Variants in AFF3 observed in about 807,000 individuals in gnomAD.
AFF3 encodes ALF transcription elongation factor 3, also known as AF4/FMR2 family member 3.
In AFF3, 32 loss-of-function variants were observed where a neutral mutation model predicts 129.7. The ratio of observed to expected loss-of-function variants is 0.25; its 90% confidence interval spans 0.19 to 0.33. The LOEUF (loss-of-function observed/expected upper bound fraction) is 0.33. AFF3 is among the 10% of genes least tolerant of loss of function. The pLI is 1.00. For missense variants in AFF3, 1,373 were observed against 1,592.0 expected (o/e 0.86, Z 2.34); for synonymous variants, 644 against 635.4 (o/e 1.01, Z -0.20).
At chr2:99,956,026 T>A (rs1016190358) in intron 7 of AFF3, among the ~76,000 whole-genome samples, 3 of 151,652 alleles carry the variant, frequency 2.0e-5, no homozygotes, top group African/African-American at 7.3e-5. Context: ...TGTACAGGCA[T>A]CAGAAAGGAA....
At chr2:99,953,601 A>C (rs1294887423) in intron 7 of AFF3, among the ~76,000 whole-genome samples, 2 of 152,220 alleles carry the variant, frequency 1.3e-5, no homozygotes, top group African/African-American at 4.8e-5. Context: ...CTCAAAATTT[A>C]TTTTTTCATC....
chr2:99,867,007 T>A (rs1256314109), intron 7 of AFF3, among the ~76,000 whole-genome samples: 4 of 131,590 alleles, frequency 3.0e-5, no homozygotes, highest in Non-Finnish European at 4.9e-5. Context: ...TAATAAAAAA[T>A]AAATAAAATA....
intron 14 of AFF3, among the ~76,000 whole-genome samples, chr2:99,598,859 A>G (rs146456550): frequency 6.6e-6 from 1 of 152,250 alleles, no homozygotes; most frequent in Admixed American, 6.5e-5. Context: ...TGCCATTTGC[A>G]GTCTGCAAAC....
intron 7 of AFF3, among the ~76,000 whole-genome samples, chr2:99,919,420 G>A (rs1695707499): frequency 6.6e-6 from 1 of 152,022 alleles, no homozygotes; most frequent in Admixed American, 6.6e-5. Flanking sequence ...ATACGGGATG[G>A]CTCCTTCTAT....
chr2:99,574,339 A>G (rs1676784977), intron 18 of AFF3, among the ~76,000 whole-genome samples: 1 of 152,244 alleles, frequency 6.6e-6, no homozygotes, highest in South Asian at 2.1e-4. Context: ...TGACCTGATT[A>G]CATTTTTAAA....
intron 11 of AFF3, among the ~76,000 whole-genome samples, chr2:99,701,667 AC>A (rs1003025229): frequency 1.1e-4 from 17 of 152,372 alleles, no homozygotes; most frequent in Middle Eastern, 3.4e-3. Flanking sequence ...TCAGATTTCA[AC>A]AGTTATGCAT....
chr2:99,558,984 G>C lies in AFF3; in HGVS notation c.3192-16C>G. On this transcript the variant is annotated splice_polypyrimidine_tract_variant and intron_variant, in intron 21 of 24. Coordinates refer to ENST00000672756, the MANE Select transcript of AFF3 (RefSeq NM_001386135.1). ...GCATCGGTAACTGCAGGCGAAAAGAGAAACAGGCCCAGAAGCGGCTGAGTG... is the reference window on the plus strand; with the variant it reads ...GCATCGGTAACTGCAGGCGAAAAGACAAACAGGCCCAGAAGCGGCTGAGTG... 6.2e-7 allele frequency: 1 copy of C among 1,613,816 alleles called. No homozygotes were observed. The highest frequency in any genetic ancestry group is 1.1e-5 in the South Asian group (1 of 91,070).
chr2:99,598,484 A>G (rs889847552), intron 14 of AFF3, among the ~76,000 whole-genome samples: 1 of 152,206 alleles, frequency 6.6e-6, no homozygotes, highest in South Asian at 2.1e-4. Context: ...ACCATACTAC[A>G]GTGATTTACG....
intron 8 of AFF3, among the ~76,000 whole-genome samples, chr2:99,759,544 G>A (rs1041093709): frequency 3.9e-5 from 6 of 152,152 alleles, no homozygotes; most frequent in Admixed American, 3.9e-4. Flanking sequence ...AAACTTGCTT[G>A]CTAATTTTGC....
chr2:100,002,868 C>G (rs535914785), intron 7 of AFF3, among the ~76,000 whole-genome samples: 6 of 152,346 alleles, frequency 3.9e-5, no homozygotes, highest in Non-Finnish European at 8.8e-5. Context: ...TGTGTTGTCT[C>G]AATGGCTCTG....
intron 12 of AFF3, among the ~76,000 whole-genome samples, chr2:99,653,239 T>C (rs1685437265): frequency 6.6e-6 from 1 of 152,236 alleles, no homozygotes; most frequent in Non-Finnish European, 1.5e-5. Flanking sequence ...AAAGGTGGAA[T>C]GTATTATTAG....
intron 8 of AFF3, among the ~76,000 whole-genome samples, chr2:99,754,116 T>C (rs569786351): frequency 1.1e-4 from 17 of 152,328 alleles, no homozygotes; most frequent in African/African-American, 3.8e-4. Context: ...GGCTCCCCCA[T>C]AGGGCCATCT....
chr2:99,907,295 C>A (rs1034268767), intron 7 of AFF3, among the ~76,000 whole-genome samples: 1 of 152,120 alleles, frequency 6.6e-6, no homozygotes, highest in African/African-American at 2.4e-5. Flanking sequence ...TGTGCCAATT[C>A]TGTTCACTGT....
rs528031291 is a variant in AFF3, at chr2:99,702,243, C to T, written c.1091+24834G>A. ...TTTCACCAGCAATATGTTAGTGAGC[C>T]AGTTACTCCACATCCTTGCCAGTGT... On this transcript the variant is annotated intron_variant, in intron 11 of 24. Transcript: ENST00000672756. Among the ~76,000 whole-genome samples the T allele has an allele frequency of 2.5e-4, 38 of 152,318 alleles. 2 individuals are homozygous for T. Among genetic ancestry groups the T allele is most frequent in the African/African-American group, 8.9e-4 (37 of 41,564 alleles).
chr2:99,558,848 C>T (rs1247101382), intron 22 of AFF3, 27 bp downstream of exon 22: 2 of 1,602,820 alleles, frequency 1.2e-6, no homozygotes, highest in East Asian at 4.5e-5. Flanking sequence ...AATTAAGGAA[C>T]AATTCTGCTC....
chr2:100,016,506 G>A (rs372926296), intron 4 of AFF3, among the ~76,000 whole-genome samples: 288 of 151,364 alleles, frequency 1.9e-3, no homozygotes, highest in Middle Eastern at 3.4e-3. Context: ...GGTACTGGTG[G>A]TGATAGTGGT....
chr2:100,105,788 C>T (rs1202406929), intron 2 of AFF3: 11 of 1,356,082 alleles, frequency 8.1e-6, no homozygotes, highest in Non-Finnish European at 1.1e-5. Flanking sequence ...ACCTCTTGGC[C>T]ACAGCTCCGG....
intron 4 of AFF3, among the ~76,000 whole-genome samples, chr2:100,058,091 TAC>T (rs1361659274): frequency 6.6e-6 from 1 of 152,238 alleles, no homozygotes; most frequent in Non-Finnish European, 1.5e-5. Context: ...GAGTGATAGC[TAC>T]AGTTTTAGTA....
intron 8 of AFF3, among the ~76,000 whole-genome samples, 170 bp downstream of exon 8, chr2:99,837,307 T>A (rs1174543129): frequency 6.6e-6 from 1 of 152,134 alleles, no homozygotes; most frequent in Non-Finnish European, 1.5e-5. Flanking sequence ...GGGGTGCAGC[T>A]CCTAGATTGT....
Sources: allele counts gnomAD v4.1 joint callset (sites outside exome capture counted in the v4.1 genomes callset), GRCh38; gene constraint gnomAD v4.1.1; transcripts MANE v1.5; gene names NCBI Gene and HGNC (gene_info 2026-07-23, HGNC 2026-07-21).